TTC28: variants seen among roughly 807,000 people sequenced by gnomAD.
The protein encoded by TTC28 is tetratricopeptide repeat domain 28, also known as tetratricopeptide repeat protein 28.
TTC28 carries 61 observed loss-of-function variants against 198.0 expected under a neutral mutation model. The ratio of observed to expected loss-of-function variants is 0.31; its 90% CI spans 0.25 to 0.38. TTC28 has a LOEUF of 0.38. TTC28 is among the 10% of genes least tolerant of loss of function. The pLI, the probability that TTC28 is intolerant of heterozygous loss-of-function variation, is 1.00. For synonymous variants in TTC28, 1,171 were observed against 1,297.8 expected, an observed-to-expected ratio of 0.90 and a Z score of 2.10; for missense variants, 2,678 against 3,164.0, an observed-to-expected ratio of 0.85 and a Z score of 3.69.
At chr22:28,312,357 G>A (rs1343393454) in intron 2 of TTC28, among the ~76,000 whole-genome samples, 4 of 152,012 alleles carry the variant, frequency 2.6e-5, no homozygotes, top group South Asian at 2.1e-4. Context: ...TGGACCAAGC[G>A]AACCTAATAG....
intron 5 of TTC28, among the ~76,000 whole-genome samples, chr22:28,183,371 AGG>A (rs781551779): frequency 3.3e-5 from 5 of 152,090 alleles, no homozygotes; most frequent in Middle Eastern, 3.2e-3. Flanking sequence ...CAATGTCTTT[AGG>A]TGTAGAAACT....
chr22:28,498,344 T>G (rs947494740), intron 2 of TTC28, among the ~76,000 whole-genome samples: 1 of 152,182 alleles, frequency 6.6e-6, no homozygotes, highest in African/African-American at 2.4e-5. Flanking sequence ...TTCTTTGTCC[T>G]TACACAGGTG....
At chr22:28,321,004 T>G (rs1172333850) in intron 2 of TTC28, among the ~76,000 whole-genome samples, 1 of 152,214 alleles carries the variant, frequency 6.6e-6, no homozygotes, top group Non-Finnish European at 1.5e-5. Context: ...TTATTTTATT[T>G]TTATTTTTAA....
Position 28,111,390 on chromosome 22 carries a change from A to C in TTC28, c.1442-2987T>G, listed in dbSNP as rs537140334. Among the ~76,000 whole-genome samples, 10 of 152,310 alleles carry C rather than the reference A, an allele frequency of 6.6e-5. No individual in the cohort carries two copies. In the South Asian group the frequency reaches 2.1e-3, roughly 32 times the overall value. On this transcript the variant is annotated intron_variant, in intron 6 of 22. Transcript: ENST00000397906. The stretch of plus-strand genomic sequence containing the variant: ...GAAATAATACCTTAGCATCACCTAC[A>C]ACCCTCTTAATGCTAAAAAATTATT...
chr22:28,438,112 T>C (rs992434521), intron 2 of TTC28, among the ~76,000 whole-genome samples: 5 of 152,194 alleles, frequency 3.3e-5, no homozygotes, highest in African/African-American at 9.7e-5. Flanking sequence ...ATAACTACTT[T>C]TGTCCACAAT....
At chr22:28,241,169 T>A (rs1193620751) in intron 5 of TTC28, among the ~76,000 whole-genome samples, 4 of 152,190 alleles carry the variant, frequency 2.6e-5, no homozygotes, top group Non-Finnish European at 5.9e-5. Context: ...CCCAATACCA[T>A]GCGTCTCTTG....
At position 28,005,982 on chromosome 22, in the gene TTC28, C is replaced by T. The variant is rs763275872; in HGVS notation, c.4219-4429G>A. Among the ~76,000 whole-genome samples the T allele has an allele frequency of 5.3e-5, 8 of 152,192 alleles. No homozygotes were observed. The highest frequency in any genetic ancestry group is 2.0e-4 in the Admixed American group (3 of 15,282). On this transcript the variant is annotated intron_variant, in intron 14 of 22. Transcript: ENST00000397906. The surrounding 1 kb of genome is among the most constrained non-coding windows in gnomAD (Gnocchi z 4.9). ...GTAATAGTTCTCAATACTAAACATC[C>T]GTGGTTAGTCTACGGTGTGGTTTCT...
At chr22:28,620,742 T>C (rs756190444) in intron 2 of TTC28, among the ~76,000 whole-genome samples, 2 of 152,214 alleles carry the variant, frequency 1.3e-5, no homozygotes, top group African/African-American at 2.4e-5. Context: ...GCTGACTTTC[T>C]ACCGGGCCAA....
chr22:28,043,099 CCAGGCA>C (rs1939719400), intron 12 of TTC28, among the ~76,000 whole-genome samples: 2 of 151,796 alleles, frequency 1.3e-5, no homozygotes, highest in African/African-American at 4.8e-5. Flanking sequence ...CAAAAATTAG[CCAGGCA>C]TGGTGGTGGG....
At chr22:27,984,746 A>G (rs1937153042) in intron 22 of TTC28, among the ~76,000 whole-genome samples, 1 of 152,216 alleles carries the variant, frequency 6.6e-6, no homozygotes, top group African/African-American at 2.4e-5. Flanking sequence ...AAAACAGGAT[A>G]CCACTTTGAC....
At chr22:28,216,488 G>T (rs906658844) in intron 5 of TTC28, among the ~76,000 whole-genome samples, 2 of 152,128 alleles carry the variant, frequency 1.3e-5, no homozygotes, top group African/African-American at 4.8e-5. Context: ...GTAAATTGGG[G>T]AGTAGTAAGG....
chr22:28,398,588 A>C (rs2046853128), intron 2 of TTC28, among the ~76,000 whole-genome samples: 1 of 152,224 alleles, frequency 6.6e-6, no homozygotes, highest in African/African-American at 2.4e-5. Context: ...CATGGCCCCT[A>C]AATGCAAGCC....
chr22:28,519,919 C>T (rs949253012), intron 2 of TTC28, among the ~76,000 whole-genome samples: 1 of 152,090 alleles, frequency 6.6e-6, no homozygotes, highest in African/African-American at 2.4e-5. Context: ...ACAGTTAAAG[C>T]AAAACACAAC....
intron 2 of TTC28, among the ~76,000 whole-genome samples, chr22:28,544,626 C>G (rs1277526344): frequency 6.6e-6 from 1 of 152,064 alleles, no homozygotes; most frequent in Admixed American, 6.5e-5. Flanking sequence ...GAGGTCAGCA[C>G]AAGACACGGA....
At chr22:28,379,925 A>G (rs1028300084) in intron 2 of TTC28, among the ~76,000 whole-genome samples, 1 of 152,066 alleles carries the variant, frequency 6.6e-6, no homozygotes, top group Non-Finnish European at 1.5e-5. Context: ...AATTAAATGC[A>G]ATGTGGAATC....
At chr22:27,988,626 T>C (rs927762654) in intron 21 of TTC28, among the ~76,000 whole-genome samples, 4 of 152,134 alleles carry the variant, frequency 2.6e-5, no homozygotes, top group Non-Finnish European at 4.4e-5. Context: ...TCGGGCCATG[T>C]CTGACAGCTC....
chr22:28,590,777 G>C (rs2050412974), intron 2 of TTC28, among the ~76,000 whole-genome samples: 1 of 151,304 alleles, frequency 6.6e-6, no homozygotes, highest in South Asian at 2.1e-4. Flanking sequence ...GGGAGGCCGA[G>C]GTGGGTGGAT....
At position 27,982,327 on chromosome 22, in the gene TTC28, G is replaced by A; in HGVS notation, c.7340C>T (p.Pro2447Leu). 6.5e-7 allele frequency: 1 copy of A among 1,532,202 alleles called. No homozygotes were observed. Among genetic ancestry groups the A allele is most frequent in the Non-Finnish European group, 8.8e-7 (1 of 1,136,066 alleles). 94.9% of individuals were successfully genotyped at this position (1,532,202 alleles called of 1,614,324 possible). A position where few individuals can be genotyped will look rare whatever the true frequency, so the allele number is the denominator to read the frequency against. ...ETTSLGSLPL[P>L]AGPPATAPAR... Reference sequence around the variant, plus strand: ...GGGGGCTGTGGCGGGAGGGCCGGCGGGCAGCGGCAGTGAGCCCAGCGAGGT... The same window carrying A: ...GGGGGCTGTGGCGGGAGGGCCGGCGAGCAGCGGCAGTGAGCCCAGCGAGGT... The change falls in exon 23 of 23, where the codon CCC becomes CTC. Residue 2447 changes from proline (P) to leucine (L), a missense_variant. By Grantham distance (98) the Pro-to-Leu change is moderately conservative (BLOSUM62 -3). Around this residue, in one of 8 missense-constraint regions of TTC28, gnomAD observed 622 missense variants for 656.0 expected, o/e 0.95. Transcript: ENST00000397906. The surrounding 1 kb of genome is among the most constrained non-coding windows in gnomAD (Gnocchi z 5.2).
intron 2 of TTC28, among the ~76,000 whole-genome samples, chr22:28,531,048 A>C (rs2049124734): frequency 1.3e-5 from 2 of 152,194 alleles, no homozygotes; most frequent in Non-Finnish European, 2.9e-5. Context: ...GATCAAATTC[A>C]CACATAACAA....
Sources: gnomAD v4.1 joint callset for allele counts (sites outside exome capture counted in the v4.1 genomes callset) on GRCh38, gnomAD v4.1.1 for gene constraint, gnomAD v4.1.1 regional missense constraint, Gnocchi (gnomAD v3.1) non-coding constraint, MANE v1.5 for transcripts, NCBI Gene and HGNC (gene_info 2026-07-23, HGNC 2026-07-21) for gene names.